The following CADM2 variants were observed in gnomAD, a reference collection of about 807,000 sequenced individuals.
The protein encoded by CADM2 is immunoglobulin superfamily member 4D.
In CADM2, 12 loss-of-function variants were observed where a neutral mutation model predicts 49.8. That is an observed-to-expected ratio of 0.24 (90% confidence interval 0.15 to 0.39). CADM2 has a LOEUF of 0.39. CADM2 is among the 10% of genes least tolerant of loss of function. The probability of loss-of-function intolerance (pLI) is 1.00; values close to 1 mark genes in which losing one functional copy is unlikely to be tolerated. For missense variants in CADM2, 378 were observed against 492.3 expected (o/e 0.77, Z 2.20); for synonymous variants, 214 against 175.4 (o/e 1.22, Z -1.74).
intron 1 of CADM2, among the ~76,000 whole-genome samples, chr3:85,012,375 A>T (rs1029852289): frequency 1.3e-5 from 2 of 150,690 alleles, no homozygotes; most frequent in African/African-American, 4.9e-5. Context: ...TTTCCAATAC[A>T]GCCTAATGTT....
chr3:85,923,870 T>TTTAAATTAAATTTAAATCA (rs1719478446), intron 6 of CADM2, among the ~76,000 whole-genome samples: 2 of 152,358 alleles, frequency 1.3e-5, no homozygotes, highest in Non-Finnish European at 1.5e-5. Flanking sequence ...CATAATTGAA[T>TTTAAATTAAATTTAAATCA]TACATTTAAA....
rs148102354 is a variant in CADM2 at position 85,071,084 on chromosome 3, T to G, written c.61+111416T>G. Among the ~76,000 whole-genome samples, 651 of 151,896 alleles carry G rather than the reference T, an allele frequency of 4.3e-3. 3 individuals are homozygous for G. Among genetic ancestry groups the G allele is most frequent in the African/African-American group, 0.014 (578 of 41,500 alleles). On this transcript the variant is annotated intron_variant, in intron 1 of 9. Coordinates refer to ENST00000383699, the MANE Select transcript of CADM2 (RefSeq NM_001167675.2). ...GTATAGTGACTAACATAAGGTACGT[T>G]CTCCATAAGAAATGTTAAATAATTA...
At chr3:85,706,163 T>C (rs2066943317) in intron 1 of CADM2, among the ~76,000 whole-genome samples, 1 of 152,222 alleles carries the variant, frequency 6.6e-6, no homozygotes, top group Non-Finnish European at 1.5e-5. Context: ...GTGTCTATTA[T>C]TAAAACCAGC....
At chr3:85,858,052 A>C (rs1196371448) in intron 3 of CADM2, among the ~76,000 whole-genome samples, 1 of 152,222 alleles carries the variant, frequency 6.6e-6, no homozygotes, top group Non-Finnish European at 1.5e-5. Flanking sequence ...AGCAGTGGAG[A>C]CAAATCTGAC....
chr3:85,796,485 A>G (rs1264713202), intron 2 of CADM2, among the ~76,000 whole-genome samples: 1 of 152,090 alleles, frequency 6.6e-6, no homozygotes, highest in Non-Finnish European at 1.5e-5. Flanking sequence ...TATTCCAGAC[A>G]TTTTCTAACC....
chr3:85,601,145 T>C (rs2063385740), intron 1 of CADM2, among the ~76,000 whole-genome samples: 1 of 111,390 alleles, frequency 9.0e-6, no homozygotes, highest in Non-Finnish European at 1.9e-5. Context: ...TATATATATA[T>C]ATATATATAT....
intron 1 of CADM2, among the ~76,000 whole-genome samples, chr3:85,672,048 T>A (rs2065753449): frequency 6.6e-6 from 1 of 152,168 alleles, no homozygotes. Context: ...AGGTGTTCAA[T>A]AAATATTTAT....
intron 2 of CADM2, among the ~76,000 whole-genome samples, chr3:85,734,633 A>C (rs1334309182): frequency 1.4e-5 from 2 of 147,796 alleles, no homozygotes; most frequent in South Asian, 2.1e-4. Flanking sequence ...AACTCACCAT[A>C]TCTCTCTCTT....
At chr3:85,099,425 T>G (rs2037927510) in intron 1 of CADM2, among the ~76,000 whole-genome samples, 1 of 152,004 alleles carries the variant, frequency 6.6e-6, no homozygotes, top group African/African-American at 2.4e-5. Flanking sequence ...ACTTATAAGT[T>G]CTCCCTTAGT....
intron 1 of CADM2, among the ~76,000 whole-genome samples, chr3:85,566,516 A>G (rs569853993): frequency 1.3e-5 from 2 of 152,278 alleles, no homozygotes; most frequent in Admixed American, 1.3e-4. Flanking sequence ...ATGATCAGAA[A>G]AACATACACA....
At chr3:85,776,911 G>A (rs566411228) in intron 2 of CADM2, among the ~76,000 whole-genome samples, 2 of 152,036 alleles carry the variant, frequency 1.3e-5, no homozygotes, top group South Asian at 2.1e-4. Flanking sequence ...TGTCTGACAC[G>A]CCTGAAAGTT....
At chr3:85,463,098 A>G (rs1179571922) in intron 1 of CADM2, among the ~76,000 whole-genome samples, 3 of 152,172 alleles carry the variant, frequency 2.0e-5, no homozygotes, top group African/African-American at 4.8e-5. Flanking sequence ...ATACATAGCA[A>G]GTTTAACTCT....
chr3:86,013,397 G>T (rs1473975522), intron 8 of CADM2: 1 of 1,539,422 alleles, frequency 6.5e-7, no homozygotes, highest in Non-Finnish European at 8.9e-7. Context: ...TGGATGGACA[G>T]GAGGCCGAAG....
intron 1 of CADM2, among the ~76,000 whole-genome samples, chr3:85,376,951 G>A (rs376146510): frequency 2.6e-5 from 4 of 151,916 alleles, no homozygotes; most frequent in African/African-American, 9.7e-5. Flanking sequence ...ATTCCTTTAA[G>A]CAAATAAGTA....
intron 1 of CADM2, among the ~76,000 whole-genome samples, chr3:85,018,760 T>C (rs537964825): frequency 2.0e-5 from 3 of 152,348 alleles, no homozygotes; most frequent in Admixed American, 6.5e-5. Flanking sequence ...CAAATTACTT[T>C]TGCTTTTAAT....
chr3:85,762,605 C>G (rs1214228374), intron 2 of CADM2, among the ~76,000 whole-genome samples: 2 of 120,854 alleles, frequency 1.7e-5, no homozygotes, highest in Non-Finnish European at 3.2e-5. Context: ...CTCTCTCTCT[C>G]TCTCTCTCTC....
chr3:86,067,774 T>A lies in CADM2; in HGVS notation c.*991T>A, dbSNP rs995675987. The A allele has an allele frequency of 5.9e-5, 9 of 152,632 alleles. No individual in the cohort carries two copies. The highest frequency in any genetic ancestry group is 2.2e-4 in the African/African-American group (9 of 41,576). 9.5% of individuals were successfully genotyped at this position (152,632 alleles called of 1,614,324 possible). ...CTAACGTCCATTATATCCCTTTAGG[T>A]ATTACTTAAACCAATATTATAAGTA... On this transcript the variant is annotated 3_prime_UTR_variant, in exon 10 of 10. Coordinates refer to ENST00000383699, the MANE Select transcript of CADM2 (RefSeq NM_001167675.2).
chr3:85,545,720 A>G (rs2061655026), intron 1 of CADM2, among the ~76,000 whole-genome samples: 1 of 152,160 alleles, frequency 6.6e-6, no homozygotes, highest in South Asian at 2.1e-4. Flanking sequence ...TGAAACATAG[A>G]CCAAAGTTGT....
intron 2 of CADM2, among the ~76,000 whole-genome samples, chr3:85,795,598 T>C (rs918891854): frequency 3.9e-5 from 6 of 152,188 alleles, no homozygotes; most frequent in African/African-American, 1.4e-4. Context: ...TAGTGTATAT[T>C]AAATATCTGG....
Sources: allele counts gnomAD v4.1 joint callset (sites outside exome capture counted in the v4.1 genomes callset), GRCh38; gene constraint gnomAD v4.1.1; transcripts MANE v1.5; gene names NCBI Gene and HGNC (gene_info 2026-07-23, HGNC 2026-07-21).